Variants in SP1 observed in about 807,000 individuals in gnomAD.
SP1 encodes the protein Sp1 transcription factor, also known as transcription factor Sp1.
In SP1, 6 loss-of-function variants were observed where a neutral mutation model predicts 66.3. The ratio of observed to expected loss-of-function variants is 0.09; its 90% CI spans 0.05 to 0.18. The LOEUF (loss-of-function observed/expected upper bound fraction) is 0.18, where lower values mean the gene tolerates loss of function less well. Among genes scored for constraint, SP1 ranks in the 10% least tolerant of loss-of-function variants. The pLI is 1.00. For synonymous variants in SP1, 417 were observed against 360.8 expected, an observed-to-expected ratio of 1.16 and a Z score of -1.77; for missense variants, 848 against 964.5, an observed-to-expected ratio of 0.88 and a Z score of 1.60.
Position 53,409,503 on chromosome 12 carries a change from C to T in SP1, c.1986C>T (p.Tyr662=), listed in dbSNP as rs796354295. ...GERPFMCTWS[Y]CGKRFTRSDE... ...GGCCATTTATGTGTACCTGGTCATA[C>T]TGTGGGAAACGCTTCACACGTTCGG... The change falls in exon 5 of 6, where the codon TAC becomes TAT. Residue 662 remains tyrosine, a synonymous_variant. Coordinates refer to ENST00000327443, the MANE Select transcript of SP1 (RefSeq NM_138473.3). 4 of 1,614,172 alleles carry T rather than the reference C, an allele frequency of 2.5e-6. No homozygotes were observed. In the African/African-American group the frequency reaches 4.0e-5, roughly 16 times the overall value.
intron 3 of SP1, among the ~76,000 whole-genome samples, chr12:53,391,045 C>T (rs1452833638): frequency 6.6e-6 from 1 of 152,018 alleles, no homozygotes; most frequent in Non-Finnish European, 1.5e-5. Flanking sequence ...TTATATCATG[C>T]TTTTTAAGTT....
Position 53,406,732 on chromosome 12 carries a change from A to C in SP1, c.1823A>C (p.Tyr608Ser). 6.2e-7 allele frequency: 1 copy of C among 1,613,776 alleles called. No homozygotes were observed. Among genetic ancestry groups the C allele is most frequent in the Non-Finnish European group, 8.5e-7 (1 of 1,179,946 alleles). The part of the protein sequence containing the change: ...RTRREACTCP[Y>S]CKDSEGRGSG... Reference sequence around the variant, plus strand: ...CGGCGGGAAGCATGCACCTGCCCCTACTGTAAAGACAGTGAAGGAAGGTGA... The same window carrying C: ...CGGCGGGAAGCATGCACCTGCCCCTCCTGTAAAGACAGTGAAGGAAGGTGA... Residue 608 changes from tyrosine (Y) to serine (S), a missense_variant, in exon 4 of 6, where the codon TAC (tyrosine) becomes TCC (serine). Physicochemically the swap from Tyr to Ser is moderately radical, Grantham distance 144. Coordinates refer to ENST00000327443, the MANE Select transcript of SP1 (RefSeq NM_138473.3).
intron 3 of SP1, among the ~76,000 whole-genome samples, chr12:53,391,749 C>T (rs1221778071): frequency 6.6e-6 from 1 of 151,328 alleles, no homozygotes; most frequent in Non-Finnish European, 1.5e-5. Context: ...ACATTACCCC[C>T]GACCCTCCCC....
At chr12:53,407,962 T>G (rs1938783517) in intron 4 of SP1, among the ~76,000 whole-genome samples, 1 of 139,036 alleles carries the variant, frequency 7.2e-6, no homozygotes. Context: ...AAGACAGATC[T>G]TCATCCGGGT....
chr12:53,410,384 T>C (rs1938853766), intron 5 of SP1, among the ~76,000 whole-genome samples: 1 of 152,188 alleles, frequency 6.6e-6, no homozygotes, highest in Non-Finnish European at 1.5e-5. Flanking sequence ...CCATTACTCT[T>C]AGTCTCTGCC....
rs1269087134 is a variant in SP1, at chr12:53,414,098, C to T, written c.*2858C>T. Reference sequence around the variant, plus strand: ...AGTCAGGAGCTTATTACAGAAAAACCCCGTTTCCCTGAACTTTTGGCTAAC... The same window carrying T: ...AGTCAGGAGCTTATTACAGAAAAACTCCGTTTCCCTGAACTTTTGGCTAAC... On this transcript the variant is annotated 3_prime_UTR_variant, in exon 6 of 6. Transcript: ENST00000327443. 2 of 150,780 alleles carry T rather than the reference C, an allele frequency of 1.3e-5. No individual in the cohort carries two copies. Among genetic ancestry groups the T allele is most frequent in the East Asian group, 1.9e-4 (1 of 5,136 alleles). 9.3% of individuals were successfully genotyped at this position (150,780 alleles called of 1,614,324 possible).
rs771379626 is a variant in SP1, at chr12:53,382,225, T to C, written c.278T>C (p.Leu93Pro). Residue 93 changes from leucine to proline, a missense_variant, in exon 3 of 6, where the codon CTT becomes CCT. Physicochemically the swap from Leu to Pro is moderately conservative, Grantham distance 98 (BLOSUM62 -3). Around this residue, in one of 7 missense-constraint regions of SP1, gnomAD observed 606 missense variants for 589.9 expected, o/e 1.03. Transcript: ENST00000327443. ...GPSQSGGTGELDLTATQLSQG... is the reference protein window; with the variant it reads ...GPSQSGGTGEPDLTATQLSQG... ...AGTCAGTCAGGGGGAACAGGTGAGCTTGACCTCACAGCCACACAACTTTCA... is the reference window on the plus strand; with the variant it reads ...AGTCAGTCAGGGGGAACAGGTGAGCCTGACCTCACAGCCACACAACTTTCA... The C allele has an allele frequency of 5.0e-6, 8 of 1,614,054 alleles. No individual in the cohort carries two copies. The highest frequency in any genetic ancestry group is 1.6e-4 in the Middle Eastern group (1 of 6,084).
At chr12:53,392,275 A>T (rs1407118217) in intron 3 of SP1, among the ~76,000 whole-genome samples, 6 of 149,706 alleles carry the variant, frequency 4.0e-5, no homozygotes, top group Non-Finnish European at 7.4e-5. Flanking sequence ...CTGCCTCCCA[A>T]GTTCAAGTGA....
chr12:53,404,405 G>C (rs1938681461), intron 3 of SP1, among the ~76,000 whole-genome samples: 1 of 151,810 alleles, frequency 6.6e-6, no homozygotes, highest in Non-Finnish European at 1.5e-5. Context: ...AGCCAGGGGT[G>C]GTGGTGGGTG....
intron 3 of SP1, among the ~76,000 whole-genome samples, chr12:53,389,867 A>G (rs1037012285): frequency 1.3e-5 from 2 of 152,150 alleles, no homozygotes; most frequent in Non-Finnish European, 2.9e-5. Flanking sequence ...TGGCAGGAGA[A>G]TAGAACATAT....
chr12:53,391,133 G>C (rs1938341503), intron 3 of SP1, among the ~76,000 whole-genome samples: 1 of 151,998 alleles, frequency 6.6e-6, no homozygotes, highest in Non-Finnish European at 1.5e-5. Context: ...AGAAAAGCAA[G>C]CACATTATTT....
chr12:53,383,417 T>A lies in SP1; in HGVS notation c.1470T>A (p.Val490=), dbSNP rs1033183300. 6.2e-7 allele frequency: 1 copy of A among 1,614,148 alleles called. No individual in the cohort carries two copies. The highest frequency in any genetic ancestry group is 8.5e-7 in the Non-Finnish European group (1 of 1,180,012). Residue 490 remains valine, a synonymous_variant, in exon 3 of 6, where the codon GTT becomes GTA. Coordinates refer to ENST00000327443, the MANE Select transcript of SP1 (RefSeq NM_138473.3). ...TCACCTTAGCCCCAATGCAGGGTGT[T>A]TCCTTGGGGCAGACCAGCAGCAGCA... The part of the protein sequence containing the change: ...QTITLAPMQG[V]SLGQTSSSNT...
At chr12:53,404,864 C>G (rs1490611011) in intron 3 of SP1, among the ~76,000 whole-genome samples, 1 of 152,060 alleles carries the variant, frequency 6.6e-6, no homozygotes, top group Non-Finnish European at 1.5e-5. Flanking sequence ...GCGACGAAGT[C>G]TCGCTCTGTC....
intron 2 of SP1, 81 bp downstream of exon 2, chr12:53,381,894 C>A (rs997507909): frequency 5.4e-6 from 8 of 1,485,768 alleles, no homozygotes; most frequent in Non-Finnish European, 6.4e-6. Context: ...TCACAGAAAG[C>A]GTTTTAGGGA....
intron 4 of SP1, among the ~76,000 whole-genome samples, chr12:53,407,634 AT>A (rs1158017204): frequency 1.0e-5 from 1 of 97,310 alleles, no homozygotes; most frequent in African/African-American, 3.8e-5. Flanking sequence ...AAAAAAATTT[AT>A]TTATTTATTT....
intron 3 of SP1, among the ~76,000 whole-genome samples, chr12:53,401,961 A>G (rs2460883): frequency 0.08 from 12,240 of 152,156 alleles, 1,609 homozygotes; most frequent in African/African-American, 0.28. Context: ...GAGCCTCTTC[A>G]TTTGTTTTTC....
At position 53,412,827 on chromosome 12, in the gene SP1, C is replaced by A. The variant is rs1007014723; in HGVS notation, c.*1587C>A. 1.3e-5 allele frequency: 2 copies of A among 152,594 alleles called. No individual in the cohort carries two copies. Among genetic ancestry groups the A allele is most frequent in the East Asian group, 3.9e-4 (2 of 5,186 alleles). The allele number at this position is 152,594 out of a possible 1,614,324, so 9.5% of individuals were successfully genotyped here. A position where few individuals can be genotyped will look rare whatever the true frequency, so the allele number is the denominator to read the frequency against. ...ATTTGGCACTGAGATTTAAATGCAA[C>A]CAGAATTGTCCTCAAGGCCCAGCCA... On this transcript the variant is annotated 3_prime_UTR_variant, in exon 6 of 6. Coordinates refer to ENST00000327443, the MANE Select transcript of SP1 (RefSeq NM_138473.3).
intron 3 of SP1, among the ~76,000 whole-genome samples, chr12:53,390,053 G>A (rs1020640936): frequency 6.6e-6 from 1 of 152,156 alleles, no homozygotes; most frequent in Non-Finnish European, 1.5e-5. Flanking sequence ...AGATTGCTGA[G>A]AGCTAATTTG....
At position 53,395,170 on chromosome 12, in the gene SP1, G is replaced by A. The variant is rs115445829; in HGVS notation, c.1676-11415G>A. Among the ~76,000 whole-genome samples the A allele has an allele frequency of 5.3e-3, 812 of 152,030 alleles. 6 individuals carry two copies. The highest frequency in any genetic ancestry group is 0.017 in the African/African-American group (724 of 41,470). On this transcript the variant is annotated intron_variant, in intron 3 of 5. Coordinates refer to ENST00000327443, the MANE Select transcript of SP1 (RefSeq NM_138473.3). The stretch of plus-strand genomic sequence containing the variant: ...AGCCTGGCTAACATGGTGAAACCTC[G>A]TCTCAACTGAAAATACAAAAGTAGC...
Sources: gnomAD v4.1 joint callset for allele counts (sites outside exome capture counted in the v4.1 genomes callset) on GRCh38, gnomAD v4.1.1 for gene constraint, gnomAD v4.1.1 regional missense constraint, MANE v1.5 for transcripts, NCBI Gene and HGNC (gene_info 2026-07-23, HGNC 2026-07-21) for gene names.